The following ADGRL3 variants were observed in gnomAD, a reference collection of about 807,000 sequenced individuals.
The protein encoded by ADGRL3 is adhesion G protein-coupled receptor L3.
A neutral mutation model predicts 153.5 loss-of-function variants in ADGRL3; 62 were observed. The observed-to-expected ratio is 0.40, with a 90% CI of 0.33 to 0.50. The LOEUF (loss-of-function observed/expected upper bound fraction) is 0.50. ADGRL3 is among the 20% of genes least tolerant of loss of function. ADGRL3 has a pLI of 0.47. For synonymous variants in ADGRL3, 710 were observed against 672.5 expected (o/e 1.06, Z -0.86); for missense variants, 1,641 against 1,859.4 (o/e 0.88, Z 2.16).
chr4:61,396,742 A>G (rs2096872830), intron 2 of ADGRL3, among the ~76,000 whole-genome samples: 1 of 151,946 alleles, frequency 6.6e-6, no homozygotes, highest in Admixed American at 6.6e-5. Context: ...TAAATTTACT[A>G]TAAATCTACT....
chr4:61,354,108 G>A lies in ADGRL3; in HGVS notation c.-239-29016G>A, dbSNP rs540248777. Among the ~76,000 whole-genome samples the A allele has an allele frequency of 8.0e-4, 121 of 152,058 alleles. 1 individual carries two copies. The highest frequency in any genetic ancestry group is 2.6e-3 in the African/African-American group (107 of 41,500). ...TGTTCCGTGTATTACCTCAGTGATCGACTTGTATAAACTCATTTAATCTTC... is the reference window on the plus strand; with the variant it reads ...TGTTCCGTGTATTACCTCAGTGATCAACTTGTATAAACTCATTTAATCTTC... On this transcript the variant is annotated intron_variant, in intron 1 of 26. Coordinates refer to ENST00000683033, the MANE Select transcript of ADGRL3 (RefSeq NM_001387552.1).
intron 2 of ADGRL3, among the ~76,000 whole-genome samples, chr4:61,425,886 T>G (rs2097273068): frequency 6.6e-6 from 1 of 152,192 alleles, no homozygotes; most frequent in Non-Finnish European, 1.5e-5. Flanking sequence ...AAAGCCAGGT[T>G]TTTTGTTATC....
intron 2 of ADGRL3, among the ~76,000 whole-genome samples, chr4:61,408,150 G>T (rs561164624): frequency 1.3e-5 from 2 of 152,214 alleles, no homozygotes; most frequent in East Asian, 1.9e-4. Flanking sequence ...ATCTAAGGCT[G>T]TCAGGGAAAT....
intron 1 of ADGRL3, among the ~76,000 whole-genome samples, chr4:61,366,891 A>G (rs889663452): frequency 2.6e-5 from 4 of 152,168 alleles, no homozygotes; most frequent in African/African-American, 9.7e-5. Context: ...TTGACTGTGA[A>G]TGTCCTGGTA....
chr4:61,484,666 T>C (rs1400449328), intron 2 of ADGRL3, among the ~76,000 whole-genome samples: 4 of 152,272 alleles, frequency 2.6e-5, no homozygotes, highest in South Asian at 4.1e-4. Flanking sequence ...AAGCTGTTAT[T>C]ATTATTATTT....
chr4:61,902,588 C>A (rs567402696), intron 11 of ADGRL3, among the ~76,000 whole-genome samples: 246 of 152,200 alleles, frequency 1.6e-3, no homozygotes, highest in Non-Finnish European at 2.6e-3. Flanking sequence ...TTACTCTTCT[C>A]CTTGCTCACC....
chr4:61,667,999 C>G (rs776789699), intron 5 of ADGRL3, among the ~76,000 whole-genome samples: 3 of 152,068 alleles, frequency 2.0e-5, no homozygotes, highest in Non-Finnish European at 4.4e-5. Context: ...AATAATGACC[C>G]CCACCCCACC....
intron 5 of ADGRL3, among the ~76,000 whole-genome samples, chr4:61,612,513 A>G (rs973814570): frequency 2.0e-5 from 3 of 152,208 alleles, no homozygotes; most frequent in Non-Finnish European, 4.4e-5. Context: ...CTAGTTTCTA[A>G]AGAGTTCACA....
intron 1 of ADGRL3, among the ~76,000 whole-genome samples, chr4:61,327,920 A>T (rs2095496654): frequency 6.6e-6 from 1 of 152,146 alleles, no homozygotes; most frequent in Non-Finnish European, 1.5e-5. Flanking sequence ...CATGAATGGA[A>T]AATGAAGAAA....
intron 8 of ADGRL3, among the ~76,000 whole-genome samples, chr4:61,811,218 A>G (rs1318695613): frequency 6.6e-6 from 1 of 152,164 alleles, no homozygotes; most frequent in African/African-American, 2.4e-5. Flanking sequence ...CAAGAAGTGG[A>G]AATGATTCTA....
At position 61,613,068 on chromosome 4, in the gene ADGRL3, A is replaced by G. The variant is rs145988684; in HGVS notation, c.473+25628A>G. Among the ~76,000 whole-genome samples the G allele has an allele frequency of 2.5e-3, 385 of 152,262 alleles. 5 individuals are homozygous for G. Among genetic ancestry groups the G allele is most frequent in the Non-Finnish European group, 2.9e-3 (195 of 68,008 alleles). ...TTTAACAGAAGTGTTAAAGGGGTAA[A>G]TTAGTTCTGAAAATTAAGTAATCAT... On this transcript the variant is annotated intron_variant, in intron 5 of 26. Coordinates refer to ENST00000683033, the MANE Select transcript of ADGRL3 (RefSeq NM_001387552.1).
intron 4 of ADGRL3, among the ~76,000 whole-genome samples, chr4:61,554,141 C>G (rs1463270536): frequency 7.0e-6 from 1 of 142,488 alleles, no homozygotes; most frequent in Non-Finnish European, 1.5e-5. Flanking sequence ...ATCCTATTTG[C>G]TTATAAAAAA....
At chr4:61,671,447 C>A (rs1356737612) in intron 5 of ADGRL3, among the ~76,000 whole-genome samples, 2 of 152,148 alleles carry the variant, frequency 1.3e-5, no homozygotes, top group Non-Finnish European at 2.9e-5. Flanking sequence ...TAGAACTCAA[C>A]AATTAACTAA....
chr4:61,848,272 G>A lies in ADGRL3; in HGVS notation c.1480+34383G>A, dbSNP rs371561585. Among the ~76,000 whole-genome samples, 17 of 149,520 alleles carry A rather than the reference G, an allele frequency of 1.1e-4. No individual in the cohort carries two copies. In the South Asian group the frequency reaches 3.1e-3, roughly 28 times the overall value. ...ATCATTACAAATTTATCCTTTTACA[G>A]CACTGAAGGCTTAAAGTCCAAAATC... On this transcript the variant is annotated intron_variant, in intron 9 of 26. Coordinates refer to ENST00000683033, the MANE Select transcript of ADGRL3 (RefSeq NM_001387552.1).
intron 9 of ADGRL3, among the ~76,000 whole-genome samples, chr4:61,881,905 G>A (rs2098510932): frequency 6.6e-6 from 1 of 152,148 alleles, no homozygotes; most frequent in Admixed American, 6.5e-5. Context: ...CCTAAGAAAA[G>A]AGTCTAAATC....
chr4:61,787,208 T>A lies in ADGRL3; in HGVS notation c.1400-26601T>A, dbSNP rs181127922. ...AGGTATCATTTTTCTCTAATTGATA[T>A]GTCACATAAGATGAATTATTGTTTT... On this transcript the variant is annotated intron_variant, in intron 8 of 26. Coordinates refer to ENST00000683033, the MANE Select transcript of ADGRL3 (RefSeq NM_001387552.1). 2.6e-5 allele frequency among the ~76,000 whole-genome samples: 4 copies of A among 152,258 alleles called. No individual in the cohort carries two copies. In the East Asian group the frequency reaches 7.7e-4, roughly 29 times the overall value.
At chr4:61,440,550 T>C (rs973430297) in intron 2 of ADGRL3, among the ~76,000 whole-genome samples, 1 of 152,188 alleles carries the variant, frequency 6.6e-6, no homozygotes, top group Non-Finnish European at 1.5e-5. Context: ...CCATGTTAAT[T>C]GATTCCTTAT....
chr4:61,967,456 T>G (rs1467894224), intron 17 of ADGRL3, among the ~76,000 whole-genome samples: 1 of 152,202 alleles, frequency 6.6e-6, no homozygotes, highest in Non-Finnish European at 1.5e-5. Context: ...ATTACATTAA[T>G]TACTTGTGTC....
chr4:61,717,651 C>A (rs905529134), intron 6 of ADGRL3, among the ~76,000 whole-genome samples: 2 of 152,116 alleles, frequency 1.3e-5, no homozygotes, highest in Middle Eastern at 3.2e-3. Flanking sequence ...ATAAATTCTT[C>A]TTGTTTTAAA....
Sources: gnomAD v4.1 joint callset for allele counts (sites outside exome capture counted in the v4.1 genomes callset) on GRCh38, gnomAD v4.1.1 for gene constraint, MANE v1.5 for transcripts, NCBI Gene and HGNC (gene_info 2026-07-23, HGNC 2026-07-21) for gene names.